EPB41L4A: variants seen among roughly 807,000 people sequenced by gnomAD.
EPB41L4A encodes band 4.1-like protein 4A.
EPB41L4A carries 100 observed loss-of-function variants against 108.6 expected under a neutral mutation model. That is an observed-to-expected ratio of 0.92 (90% CI 0.78 to 1.09). The LOEUF is 1.09. EPB41L4A is among the 50% of genes least tolerant of loss of function. EPB41L4A has a pLI of 0.00. For synonymous variants in EPB41L4A, 319 were observed against 289.0 expected, an observed-to-expected ratio of 1.10 and a Z score of -1.05; for missense variants, 1,030 against 842.7, an observed-to-expected ratio of 1.22 and a Z score of -2.75.
At chr5:112,309,343 T>C (rs1255048000) in intron 1 of EPB41L4A, among the ~76,000 whole-genome samples, 1 of 152,190 alleles carries the variant, frequency 6.6e-6, no homozygotes, top group Admixed American at 6.5e-5. Context: ...TCTTTGCTAC[T>C]TCTTAAACAT....
At chr5:112,376,126 C>T (rs1385639459) in intron 1 of EPB41L4A, among the ~76,000 whole-genome samples, 2 of 152,114 alleles carry the variant, frequency 1.3e-5, no homozygotes, top group African/African-American at 4.8e-5. Flanking sequence ...AACTACATAT[C>T]CAAAGAGAGG....
At chr5:112,407,285 T>C (rs1762129882) in intron 1 of EPB41L4A, among the ~76,000 whole-genome samples, 1 of 152,192 alleles carries the variant, frequency 6.6e-6, no homozygotes, top group African/African-American at 2.4e-5. Flanking sequence ...ACTGTAAAGC[T>C]TATATTATGC....
intron 12 of EPB41L4A, among the ~76,000 whole-genome samples, chr5:112,153,967 A>G (rs1174588992): frequency 6.6e-6 from 1 of 152,216 alleles, no homozygotes; most frequent in African/African-American, 2.4e-5. Flanking sequence ...CAAAAGTCAA[A>G]GAAGAAAATG....
chr5:112,191,675 T>TA (rs201139640), intron 17 of EPB41L4A, among the ~76,000 whole-genome samples: 16,302 of 138,746 alleles, frequency 0.12, 938 homozygotes, highest in Middle Eastern at 0.15. Flanking sequence ...CATTTATGTT[T>TA]AAAAAAAAAA....
intron 1 of EPB41L4A, among the ~76,000 whole-genome samples, chr5:112,342,200 T>C (rs1757363035): frequency 1.3e-5 from 2 of 152,324 alleles, no homozygotes; most frequent in South Asian, 2.1e-4. Context: ...AGAAATACTA[T>C]ACACAACATG....
At chr5:112,174,054 A>G (rs1173364924) in intron 18 of EPB41L4A, among the ~76,000 whole-genome samples, 1 of 152,212 alleles carries the variant, frequency 6.6e-6, no homozygotes, top group African/African-American at 2.4e-5. Context: ...GCACCATAAA[A>G]GTCCTATTTT....
At chr5:112,146,295 A>G (rs1759253452) in intron 12 of EPB41L4A, among the ~76,000 whole-genome samples, 1 of 152,222 alleles carries the variant, frequency 6.6e-6, no homozygotes, top group Non-Finnish European at 1.5e-5. Context: ...CACCCATTTG[A>G]CAGACTTCAG....
chr5:112,197,468 C>T (rs557746808), intron 15 of EPB41L4A, among the ~76,000 whole-genome samples: 2 of 152,222 alleles, frequency 1.3e-5, no homozygotes, highest in African/African-American at 4.8e-5. Context: ...ACAATTATAC[C>T]GAAATTGGTC....
At chr5:112,229,812 C>T (rs1391874764) in intron 12 of EPB41L4A, among the ~76,000 whole-genome samples, 20 of 151,894 alleles carry the variant, frequency 1.3e-4, no homozygotes, top group Admixed American at 7.9e-4. Flanking sequence ...CATGGTGAAA[C>T]GCTGTCTCTA....
chr5:112,380,789 A>G (rs1760124056), intron 1 of EPB41L4A, among the ~76,000 whole-genome samples: 1 of 98,676 alleles, frequency 1.0e-5, no homozygotes, highest in Non-Finnish European at 2.2e-5. Flanking sequence ...CACATCACAC[A>G]CATACACACA....
chr5:112,265,929 G>A (rs1037827691), intron 5 of EPB41L4A, among the ~76,000 whole-genome samples: 1 of 152,174 alleles, frequency 6.6e-6, no homozygotes, highest in African/African-American at 2.4e-5. Flanking sequence ...GGTGTGGGGA[G>A]GAAAATCAAT....
At chr5:112,403,960 A>G (rs1274850552) in intron 1 of EPB41L4A, among the ~76,000 whole-genome samples, 2 of 152,238 alleles carry the variant, frequency 1.3e-5, no homozygotes, top group Non-Finnish European at 2.9e-5. Context: ...TCAAAAAAGG[A>G]GGAAGAAGAA....
intron 17 of EPB41L4A, among the ~76,000 whole-genome samples, chr5:112,188,938 T>C (rs1761555230): frequency 6.6e-6 from 1 of 152,240 alleles, no homozygotes; most frequent in African/African-American, 2.4e-5. Flanking sequence ...TCAGATATAT[T>C]GTCCCTCTTA....
At chr5:112,189,708 A>G (rs1296078736) in intron 17 of EPB41L4A, among the ~76,000 whole-genome samples, 1 of 152,108 alleles carries the variant, frequency 6.6e-6, no homozygotes, top group Non-Finnish European at 1.5e-5. Flanking sequence ...ATCTCATGTC[A>G]CCCACTCCTC....
chr5:112,362,350 G>A (rs555507214), intron 1 of EPB41L4A, among the ~76,000 whole-genome samples: 9 of 148,760 alleles, frequency 6.1e-5, no homozygotes, highest in Non-Finnish European at 1.0e-4. Context: ...GCACCATCTC[G>A]GCTCACTGCA....
rs115727856 is a variant in EPB41L4A, at chr5:112,411,822, C to T, written c.99+7119G>A. On this transcript the variant is annotated intron_variant, in intron 1 of 22. Coordinates refer to ENST00000261486, the MANE Select transcript of EPB41L4A (RefSeq NM_022140.5). ...GAGGATGGCAGAGAAAAACCAATTTCGACAAGTCGCAATTAAGGCAGCAGA... is the reference window on the plus strand; with the variant it reads ...GAGGATGGCAGAGAAAAACCAATTTTGACAAGTCGCAATTAAGGCAGCAGA... 9.7e-3 allele frequency among the ~76,000 whole-genome samples: 1,481 copies of T among 152,238 alleles called. 29 individuals are homozygous for T. Among genetic ancestry groups the T allele is most frequent in the African/African-American group, 0.033 (1,381 of 41,538 alleles).
chr5:112,326,923 T>C (rs1756202214), intron 1 of EPB41L4A, among the ~76,000 whole-genome samples: 1 of 152,178 alleles, frequency 6.6e-6, no homozygotes, highest in Admixed American at 6.5e-5. Context: ...TAAAAAAATA[T>C]TCACTGATCA....
Position 112,204,420 on chromosome 5 carries a change from G to C in EPB41L4A, c.1331C>G (p.Pro444Arg), listed in dbSNP as rs1212190600. ...AGAATCATTGTCACTTCCACAGGAG[G>C]GGTTTCGGCGACGCGTGTAAGGGAA... ...PKFPYTRRRN[P>R]SCGSDNDSVQ... is the part of the protein sequence containing the mutation. Residue 444 changes from proline to arginine, a missense_variant, in exon 15 of 23, where the codon CCC (proline) becomes CGC (arginine). Physicochemically the swap from Pro to Arg is moderately radical, Grantham distance 103. Coordinates refer to ENST00000261486, the MANE Select transcript of EPB41L4A (RefSeq NM_022140.5). 3 of 1,613,872 alleles carry C rather than the reference G, an allele frequency of 1.9e-6. No individual in the cohort carries two copies. Among genetic ancestry groups the C allele is most frequent in the East Asian group, 2.2e-5 (1 of 44,888 alleles).
chr5:112,240,660 A>G (rs551046156), intron 10 of EPB41L4A, 59 bp downstream of exon 10: 290 of 956,992 alleles, frequency 3.0e-4, no homozygotes, highest in Non-Finnish European at 4.4e-4. Flanking sequence ...TTCTTTTTAT[A>G]AAAATAAATG....
Sources: allele counts gnomAD v4.1 joint callset (sites outside exome capture counted in the v4.1 genomes callset), GRCh38; gene constraint gnomAD v4.1.1; transcripts MANE v1.5; gene names NCBI Gene and HGNC (gene_info 2026-07-23, HGNC 2026-07-21).